FANCL: variants seen among roughly 807,000 people sequenced by gnomAD.
The protein encoded by FANCL is E3 ubiquitin-protein ligase FANCL.
A neutral mutation model predicts 59.4 loss-of-function variants in FANCL; 69 were observed. The observed-to-expected ratio is 1.16, with a 90% CI of 0.96 to 1.42. The LOEUF (loss-of-function observed/expected upper bound fraction) is 1.42. FANCL is among the 40% of genes most tolerant of loss of function. The pLI is 0.00. For missense variants in FANCL, 519 were observed against 447.2 expected (o/e 1.16, Z -1.45); for synonymous variants, 180 against 147.1 (o/e 1.22, Z -1.62).
intron 7 of FANCL, among the ~76,000 whole-genome samples, chr2:58,176,769 A>G (rs1468582400): frequency 6.6e-6 from 1 of 152,192 alleles, no homozygotes; most frequent in African/African-American, 2.4e-5. Flanking sequence ...CAAAAGCCAA[A>G]ATTGACAAAT....
intron 3 of FANCL, among the ~76,000 whole-genome samples, chr2:58,227,262 T>A (rs1416147633): frequency 6.6e-6 from 1 of 152,208 alleles, no homozygotes; most frequent in Non-Finnish European, 1.5e-5. Context: ...GCTTTTTTAG[T>A]TTAGCCATCC....
At chr2:58,223,313 G>A (rs1692667045) in intron 4 of FANCL, among the ~76,000 whole-genome samples, 1 of 151,800 alleles carries the variant, frequency 6.6e-6, no homozygotes, top group African/African-American at 2.4e-5. Context: ...TCGTATTTAG[G>A]TTGTGCACCA....
intron 7 of FANCL, among the ~76,000 whole-genome samples, chr2:58,174,230 A>G (rs950962281): frequency 1.1e-4 from 16 of 152,116 alleles, no homozygotes; most frequent in South Asian, 2.1e-4. Flanking sequence ...ACAGATCAAC[A>G]AGACAGAAAG....
intron 3 of FANCL, among the ~76,000 whole-genome samples, chr2:58,228,511 A>G (rs567628988): frequency 4.9e-4 from 75 of 152,348 alleles, no homozygotes; most frequent in Non-Finnish European, 9.3e-4. Flanking sequence ...TTTTGTAAAC[A>G]AAGTTTTATT....
chr2:58,172,136 C>A (rs1558749906), intron 7 of FANCL, among the ~76,000 whole-genome samples: 1 of 152,226 alleles, frequency 6.6e-6, no homozygotes, highest in Non-Finnish European at 1.5e-5. Context: ...CTCAAAGAGG[C>A]CTGCCTGCCT....
At chr2:58,195,870 A>C (rs1294712623) in intron 7 of FANCL, among the ~76,000 whole-genome samples, 1 of 152,118 alleles carries the variant, frequency 6.6e-6, no homozygotes, top group Non-Finnish European at 1.5e-5. Context: ...CGTAACCCCA[A>C]AGAGGCACAT....
chr2:58,193,764 GGA>G (rs1689164398), intron 7 of FANCL, among the ~76,000 whole-genome samples: 1 of 151,972 alleles, frequency 6.6e-6, no homozygotes, highest in Non-Finnish European at 1.5e-5. Context: ...AAAAACTAGG[GGA>G]TTTGCCCCAA....
Position 58,204,164 on chromosome 2 carries a change from C to A in FANCL, c.437G>T (p.Arg146Ile), listed in dbSNP as rs1690335736. ...IKLKAEDASG[R>I]EHLITLKLKA... The stretch of plus-strand genomic sequence containing the variant: ...CAACTTGAGAGTGATTAAATGCTCT[C>A]TACCAGAAGCATCTTCTGCTTTTAA... The change falls in exon 6 of 14, where the codon AGA (arginine) becomes ATA (isoleucine). Residue 146 changes from arginine to isoleucine, a missense_variant. Physicochemically the swap from Arg to Ile is moderately conservative, Grantham distance 97. Coordinates refer to ENST00000233741, the MANE Select transcript of FANCL (RefSeq NM_018062.4). The A allele has an allele frequency of 6.2e-7, 1 of 1,613,112 alleles. No homozygotes were observed. The highest frequency in any genetic ancestry group is 1.3e-5 in the African/African-American group (1 of 74,848).
chr2:58,162,581 A>C (rs896305178), intron 11 of FANCL, among the ~76,000 whole-genome samples: 1 of 151,814 alleles, frequency 6.6e-6, no homozygotes, highest in Admixed American at 6.6e-5. Context: ...CTGTATACAG[A>C]GGGCCGACTT....
chr2:58,193,903 A>C (rs1426706460), intron 7 of FANCL, among the ~76,000 whole-genome samples: 1 of 152,180 alleles, frequency 6.6e-6, no homozygotes, highest in East Asian at 1.9e-4. Context: ...TGTCTGAATA[A>C]TACAATTAAA....
intron 12 of FANCL, among the ~76,000 whole-genome samples, chr2:58,161,275 C>T (rs1685120111): frequency 6.6e-6 from 1 of 151,902 alleles, no homozygotes; most frequent in South Asian, 2.1e-4. Context: ...TGTCAATAAG[C>T]TAGTCCATGA....
chr2:58,217,418 A>G (rs1181984405), intron 5 of FANCL, among the ~76,000 whole-genome samples: 1 of 150,856 alleles, frequency 6.6e-6, no homozygotes, highest in Non-Finnish European at 1.5e-5. Flanking sequence ...GCTGCCAGCA[A>G]GAAAAATATT....
intron 12 of FANCL, 76 bp from the exon 13 acceptor site, chr2:58,160,255 G>A (rs1684928378): frequency 7.1e-7 from 1 of 1,405,920 alleles, no homozygotes; most frequent in Admixed American, 1.7e-5. Flanking sequence ...CATTCCCTTT[G>A]TTTTTAAGTG....
intron 7 of FANCL, among the ~76,000 whole-genome samples, chr2:58,185,422 A>C (rs1437465645): frequency 1.3e-5 from 2 of 152,136 alleles, no homozygotes; most frequent in Non-Finnish European, 2.9e-5. Context: ...ATTTCTGAAC[A>C]AACCATCCAA....
intron 7 of FANCL, among the ~76,000 whole-genome samples, chr2:58,172,227 C>T (rs531015058): frequency 1.5e-4 from 23 of 152,272 alleles, no homozygotes; most frequent in African/African-American, 2.2e-4. Flanking sequence ...TGTCCCTGTC[C>T]GACAGCTTTG....
At chr2:58,167,597 T>C (rs560082390) in intron 7 of FANCL, among the ~76,000 whole-genome samples, 9 of 152,326 alleles carry the variant, frequency 5.9e-5, no homozygotes, top group African/African-American at 2.2e-4. Context: ...GCAAATAAAA[T>C]CCTAATTGCA....
At chr2:58,185,975 T>C (rs1409716902) in intron 7 of FANCL, among the ~76,000 whole-genome samples, 2 of 152,182 alleles carry the variant, frequency 1.3e-5, no homozygotes, top group African/African-American at 4.8e-5. Context: ...TTCTGCAAAC[T>C]AGGTACAAGT....
At chr2:58,232,377 T>C (rs1217766348) in intron 1 of FANCL, among the ~76,000 whole-genome samples, 4 of 151,994 alleles carry the variant, frequency 2.6e-5, no homozygotes, top group African/African-American at 4.8e-5. Context: ...AGAAAGTCAC[T>C]CACAAACACA....
rs1685325445 is a variant in FANCL, at chr2:58,162,417, C to T, written c.903+449G>A. Among the ~76,000 whole-genome samples, 3 of 151,868 alleles carry T rather than the reference C, an allele frequency of 2.0e-5. No individual in the cohort carries two copies. The South Asian group carries it at 6.2e-4, about 31-fold the overall frequency. On this transcript the variant is annotated intron_variant, in intron 11 of 13. Transcript: ENST00000233741. ...TAAATGTCTGTCATTAATGACGTCACTACTGAAGACCATGAAAAAAGTATA... is the reference window on the plus strand; with the variant it reads ...TAAATGTCTGTCATTAATGACGTCATTACTGAAGACCATGAAAAAAGTATA...
Sources: allele counts gnomAD v4.1 joint callset (sites outside exome capture counted in the v4.1 genomes callset), GRCh38; gene constraint gnomAD v4.1.1; transcripts MANE v1.5; gene names NCBI Gene and HGNC (gene_info 2026-07-23, HGNC 2026-07-21).